The following GALNT13 variants were observed in gnomAD, a reference collection of about 807,000 sequenced individuals.
GALNT13 encodes polypeptide N-acetylgalactosaminyltransferase 13, also known as UDP-GalNAc:polypeptide N-acetylgalactosaminyltransferase 13.
Under a neutral mutation model 64.2 loss-of-function variants are expected in GALNT13, and 28 were observed. That is an observed-to-expected ratio of 0.44 (90% CI 0.32 to 0.60). GALNT13 has a LOEUF of 0.60. Among genes scored for constraint, GALNT13 ranks in the 20% least tolerant of loss-of-function variants. The pLI is 0.05. For missense variants in GALNT13, 577 were observed against 669.8 expected, an observed-to-expected ratio of 0.86 and a Z score of 1.53; for synonymous variants, 214 against 224.6, an observed-to-expected ratio of 0.95 and a Z score of 0.42.
At chr2:153,494,112 T>C in the GALNT13 span, among the ~76,000 whole-genome samples, 1 of 152,020 alleles carries the variant, frequency 6.6e-6, no homozygotes, top group East Asian at 1.9e-4. Flanking sequence ...CTTACAACTA[T>C]TGAACATCAC....
Position 153,909,968 on chromosome 2 carries a change from C to T in GALNT13, c.-105+8961C>T, listed in dbSNP as rs142821268. Among the ~76,000 whole-genome samples, 54 of 151,980 alleles carry T rather than the reference C, an allele frequency of 3.6e-4. No homozygotes were observed. The East Asian group carries it at 9.5e-3, about 27-fold the overall frequency. On this transcript the variant is annotated intron_variant, in intron 2 of 12. Transcript: ENST00000392825. ...TAGAATGAGTTGGGGAGGAGTCCCT[C>T]TTCCTCATTTTTTTGGAATAATTGC...
chr2:153,916,128 G>GTTCCTTCCTTCC (rs150452834), intron 2 of GALNT13, among the ~76,000 whole-genome samples: 2 of 132,158 alleles, frequency 1.5e-5, no homozygotes, highest in African/African-American at 5.6e-5. Flanking sequence ...TCCTTCCTTC[G>GTTCCTTCCTTCC]TTCCTTCCTT....
chr2:154,393,054 G>T lies in GALNT13; in HGVS notation c.1157-2937G>T, dbSNP rs530266351. On this transcript the variant is annotated intron_variant, in intron 9 of 12. Coordinates refer to ENST00000392825, the MANE Select transcript of GALNT13 (RefSeq NM_052917.4). The stretch of plus-strand genomic sequence containing the variant: ...ACTGAAATGAAGAACCTTGGAGATG[G>T]AGCAAGTTGGAGAAACAAATTTTTG... Among the ~76,000 whole-genome samples, 80 of 152,328 alleles carry T rather than the reference G, an allele frequency of 5.3e-4. No individual in the cohort carries two copies. In the Middle Eastern group the frequency reaches 0.01, roughly 19 times the overall value.
chr2:154,416,071 C>A (rs1438582902), intron 11 of GALNT13, among the ~76,000 whole-genome samples: 1 of 152,138 alleles, frequency 6.6e-6, no homozygotes, highest in Non-Finnish European at 1.5e-5. Flanking sequence ...AAGAGCCTTT[C>A]ATTATCATTA....
the GALNT13 span, among the ~76,000 whole-genome samples, chr2:153,679,255 C>T: frequency 6.6e-6 from 1 of 151,984 alleles, no homozygotes; most frequent in Non-Finnish European, 1.5e-5. Flanking sequence ...CCCACAAGTA[C>T]ATTAAGTCTA....
At chr2:153,968,628 A>G (rs1693538612) in intron 3 of GALNT13, among the ~76,000 whole-genome samples, 1 of 152,158 alleles carries the variant, frequency 6.6e-6, no homozygotes, top group South Asian at 2.1e-4. Context: ...AACAATCTCT[A>G]GAGGGTTATT....
At chr2:154,087,614 G>T (rs1701598338) in intron 3 of GALNT13, among the ~76,000 whole-genome samples, 1 of 151,994 alleles carries the variant, frequency 6.6e-6, no homozygotes, top group Non-Finnish European at 1.5e-5. Context: ...TTGATCAGTA[G>T]TCTTCAACTA....
the GALNT13 span, among the ~76,000 whole-genome samples, chr2:153,082,150 G>A: frequency 6.6e-6 from 1 of 152,120 alleles, no homozygotes; most frequent in African/African-American, 2.4e-5. Context: ...TCATGTGCCT[G>A]CTTGCCATTT....
the GALNT13 span, among the ~76,000 whole-genome samples, chr2:153,265,584 C>T: frequency 1.8e-3 from 270 of 152,254 alleles, no homozygotes; most frequent in Non-Finnish European, 3.3e-3. Context: ...CAAGACTGTC[C>T]TTTGTACCCT....
chr2:153,464,704 G>C, the GALNT13 span, among the ~76,000 whole-genome samples: 1 of 152,146 alleles, frequency 6.6e-6, no homozygotes. Context: ...AATTAGGTCA[G>C]AACATTTTTG....
chr2:153,425,309 T>G, the GALNT13 span, among the ~76,000 whole-genome samples: 1 of 151,690 alleles, frequency 6.6e-6, no homozygotes, highest in Non-Finnish European at 1.5e-5. Flanking sequence ...ATTCCTTTGT[T>G]TGCAATATTT....
chr2:154,072,891 C>T (rs1324359758), intron 3 of GALNT13, among the ~76,000 whole-genome samples: 1 of 152,002 alleles, frequency 6.6e-6, no homozygotes, highest in African/African-American at 2.4e-5. Context: ...CTGCATACCT[C>T]AGGGAGATAG....
chr2:153,365,229 AC>A, the GALNT13 span, among the ~76,000 whole-genome samples: 4 of 152,116 alleles, frequency 2.6e-5, no homozygotes, highest in Admixed American at 6.5e-5. Flanking sequence ...CACACCTTGT[AC>A]AAAAATTAAC....
the GALNT13 span, among the ~76,000 whole-genome samples, chr2:153,436,810 C>T: frequency 6.6e-6 from 1 of 151,998 alleles, no homozygotes; most frequent in Non-Finnish European, 1.5e-5. Context: ...AACGGTTTTT[C>T]ATGTCTCTAT....
the GALNT13 span, among the ~76,000 whole-genome samples, chr2:153,435,111 G>A: frequency 2.6e-5 from 4 of 151,984 alleles, no homozygotes; most frequent in African/African-American, 9.7e-5. Flanking sequence ...TCTTGTTTTT[G>A]TCAGGTTTGT....
intron 10 of GALNT13, among the ~76,000 whole-genome samples, chr2:154,397,979 A>C (rs1352969797): frequency 6.6e-6 from 1 of 152,204 alleles, no homozygotes; most frequent in East Asian, 1.9e-4. Context: ...TCATGTTGGC[A>C]CTGATCTCAC....
chr2:154,020,368 CCTGA>C (rs1282855395), intron 3 of GALNT13, among the ~76,000 whole-genome samples: 1 of 152,130 alleles, frequency 6.6e-6, no homozygotes, highest in Non-Finnish European at 1.5e-5. Flanking sequence ...CCTGTTGTTT[CCTGA>C]CTTTTTAATG....
At chr2:154,035,330 A>G (rs528600927) in intron 3 of GALNT13, among the ~76,000 whole-genome samples, 2 of 152,128 alleles carry the variant, frequency 1.3e-5, no homozygotes, top group East Asian at 1.9e-4. Flanking sequence ...AATTATTTTT[A>G]TGTGGTATAA....
chr2:153,950,536 T>C (rs2105400827), intron 3 of GALNT13, among the ~76,000 whole-genome samples: 1 of 152,176 alleles, frequency 6.6e-6, no homozygotes, highest in Non-Finnish European at 1.5e-5. Context: ...ATCTCTGAAA[T>C]CTGAACATTC....
Sources: gnomAD v4.1 joint callset for allele counts (sites outside exome capture counted in the v4.1 genomes callset) on GRCh38, gnomAD v4.1.1 for gene constraint, MANE v1.5 for transcripts, NCBI Gene and HGNC (gene_info 2026-07-23, HGNC 2026-07-21) for gene names.